RABGAP1L: variants seen among roughly 807,000 people sequenced by gnomAD.
RABGAP1L encodes RAB GTPase activating protein 1 like, also known as rab GTPase-activating protein 1-like.
In RABGAP1L, 63 loss-of-function variants were observed where a neutral mutation model predicts 137.7. The ratio of observed to expected loss-of-function variants is 0.46; its 90% CI spans 0.37 to 0.56. RABGAP1L has a LOEUF of 0.56. Ranked by LOEUF, RABGAP1L falls within the 20% of genes least tolerant of loss-of-function variation. The pLI, the probability that RABGAP1L is intolerant of heterozygous loss-of-function variation, is 0.00. For missense variants in RABGAP1L, 1,095 were observed against 1,244.0 expected (o/e 0.88, Z 1.80); for synonymous variants, 431 against 433.7 (o/e 0.99, Z 0.08).
rs528879928 is a variant in RABGAP1L at position 174,362,241 on chromosome 1, C to T, written c.1466-8738C>T. Among the ~76,000 whole-genome samples the T allele has an allele frequency of 2.0e-5, 3 of 152,240 alleles. No homozygotes were observed. The South Asian group carries it at 6.2e-4, about 32-fold the overall frequency. On this transcript the variant is annotated intron_variant, in intron 11 of 25. Transcript: ENST00000681986. ...CTATTGTGAATCGTTTTGCAGTGAACATCCGTGTGCATGTGTCTTTATAAT... is the reference window on the plus strand; with the variant it reads ...CTATTGTGAATCGTTTTGCAGTGAATATCCGTGTGCATGTGTCTTTATAAT...
chr1:174,468,599 A>G (rs1474296651), intron 13 of RABGAP1L, among the ~76,000 whole-genome samples: 1 of 152,218 alleles, frequency 6.6e-6, no homozygotes, highest in Non-Finnish European at 1.5e-5. Flanking sequence ...AGTATGAAAC[A>G]GTGAATTTCA....
At chr1:174,552,447 G>C (rs1666610694) in intron 13 of RABGAP1L, among the ~76,000 whole-genome samples, 1 of 152,068 alleles carries the variant, frequency 6.6e-6, no homozygotes, top group South Asian at 2.1e-4. Context: ...TCTTGTGTTA[G>C]TTTAGTAAGG....
At chr1:174,849,935 G>A (rs540843772) in intron 19 of RABGAP1L, 4 of 681,768 alleles carry the variant, frequency 5.9e-6, no homozygotes, top group African/African-American at 5.4e-5. Context: ...TTACCTGCAT[G>A]GAAGACACAG....
At chr1:174,803,770 C>A (rs1442797636) in intron 18 of RABGAP1L, among the ~76,000 whole-genome samples, 1 of 151,812 alleles carries the variant, frequency 6.6e-6, no homozygotes. Flanking sequence ...ACCCACCCTA[C>A]CTCTTTCAAA....
chr1:174,185,203 A>G (rs1274582553), intron 1 of RABGAP1L, among the ~76,000 whole-genome samples: 2 of 152,196 alleles, frequency 1.3e-5, no homozygotes, highest in East Asian at 1.9e-4. Flanking sequence ...ACACCTTAAG[A>G]TGCCTTATAA....
chr1:174,624,873 CTTT>C (rs562834068), intron 13 of RABGAP1L, among the ~76,000 whole-genome samples: 3 of 131,146 alleles, frequency 2.3e-5, no homozygotes, highest in Admixed American at 7.8e-5. Context: ...TTTATCTTGC[CTTT>C]TTTTTTTTTT....
intron 18 of RABGAP1L, among the ~76,000 whole-genome samples, chr1:174,791,561 T>C (rs1687863877): frequency 6.6e-6 from 1 of 152,256 alleles, no homozygotes; most frequent in South Asian, 2.1e-4. Context: ...CTATACACGA[T>C]AATTTTAATC....
intron 13 of RABGAP1L, among the ~76,000 whole-genome samples, chr1:174,619,882 A>G (rs1489280806): frequency 2.6e-5 from 4 of 152,206 alleles, no homozygotes; most frequent in Non-Finnish European, 5.9e-5. Context: ...AGTGTGCTGT[A>G]TTCAGGAAAC....
intron 20 of RABGAP1L, among the ~76,000 whole-genome samples, chr1:174,960,806 C>A (rs1669025586): frequency 6.6e-6 from 1 of 152,102 alleles, no homozygotes; most frequent in South Asian, 2.1e-4. Context: ...TCCATATTTG[C>A]AGAATAAAAG....
chr1:174,485,564 G>A (rs1037441337), intron 13 of RABGAP1L, among the ~76,000 whole-genome samples: 3 of 152,136 alleles, frequency 2.0e-5, no homozygotes, highest in Non-Finnish European at 2.9e-5. Flanking sequence ...GTGGAATTTT[G>A]TGAAATGCTT....
chr1:174,625,329 G>A (rs1006635581), intron 13 of RABGAP1L, among the ~76,000 whole-genome samples: 30 of 152,108 alleles, frequency 2.0e-4, no homozygotes, highest in African/African-American at 7.0e-4. Flanking sequence ...CTGATTCTTA[G>A]TAAGTGCTAA....
chr1:174,167,156 C>T (rs1395017710), intron 1 of RABGAP1L, among the ~76,000 whole-genome samples: 1 of 152,198 alleles, frequency 6.6e-6, no homozygotes, highest in Non-Finnish European at 1.5e-5. Context: ...AGATGCCTCA[C>T]ACCAGTTAAA....
intron 13 of RABGAP1L, among the ~76,000 whole-genome samples, chr1:174,620,081 A>AGAGC (rs540693927): frequency 5.7e-4 from 84 of 148,326 alleles, no homozygotes; most frequent in East Asian, 1.0e-3. Context: ...TTCAACAAGA[A>AGAGC]TAACTATCCT....
chr1:174,954,658 G>A (rs1668245972), intron 19 of RABGAP1L, among the ~76,000 whole-genome samples: 2 of 152,158 alleles, frequency 1.3e-5, no homozygotes, highest in Admixed American at 6.6e-5. Flanking sequence ...ACTTCCACAT[G>A]GAACTAATTC....
chr1:174,614,313 A>T (rs1482131567), intron 13 of RABGAP1L, among the ~76,000 whole-genome samples: 1 of 152,156 alleles, frequency 6.6e-6, no homozygotes, highest in Non-Finnish European at 1.5e-5. Flanking sequence ...TCCTTCACTT[A>T]TGAAACTTAG....
intron 17 of RABGAP1L, among the ~76,000 whole-genome samples, chr1:174,751,467 T>C (rs556512469): frequency 1.3e-5 from 2 of 152,348 alleles, no homozygotes; most frequent in African/African-American, 4.8e-5. Context: ...ATGGGACTTA[T>C]GCCAACTCAT....
chr1:174,911,582 T>A (rs1388557668), intron 19 of RABGAP1L, among the ~76,000 whole-genome samples: 1 of 152,204 alleles, frequency 6.6e-6, no homozygotes, highest in African/African-American at 2.4e-5. Context: ...ACCATCTTAT[T>A]AAATTTCAAG....
chr1:174,432,501 A>T (rs1178752018), intron 13 of RABGAP1L, among the ~76,000 whole-genome samples: 2 of 152,120 alleles, frequency 1.3e-5, no homozygotes, highest in Non-Finnish European at 2.9e-5. Flanking sequence ...TTCCTAAAAA[A>T]CATGGTCAGG....
At chr1:174,522,610 T>C (rs1663520315) in intron 13 of RABGAP1L, among the ~76,000 whole-genome samples, 1 of 152,122 alleles carries the variant, frequency 6.6e-6, no homozygotes, top group Admixed American at 6.5e-5. Context: ...GAAAAATACC[T>C]GAGGCTGTGT....
Sources: allele counts gnomAD v4.1 joint callset (sites outside exome capture counted in the v4.1 genomes callset), GRCh38; gene constraint gnomAD v4.1.1; transcripts MANE v1.5; gene names NCBI Gene and HGNC (gene_info 2026-07-23, HGNC 2026-07-21).